CSMD1: variants seen among roughly 807,000 people sequenced by gnomAD.
CSMD1 encodes the protein CUB and Sushi multiple domains 1, also known as CUB and sushi domain-containing protein 1.
Under a neutral mutation model 417.5 loss-of-function variants are expected in CSMD1, and 213 were observed. The ratio of observed to expected loss-of-function variants is 0.51; its 90% CI spans 0.46 to 0.57. The LOEUF is 0.57. Among genes scored for constraint, CSMD1 ranks in the 20% least tolerant of loss-of-function variants. The pLI, the probability that CSMD1 is intolerant of heterozygous loss-of-function variation, is 0.00. For missense variants in CSMD1, 6,923 were observed against 4,529.7 expected, an observed-to-expected ratio of 1.53 and a Z score of -15.17; for synonymous variants, 2,862 against 1,736.8, an observed-to-expected ratio of 1.65 and a Z score of -16.11.
chr8:4,979,036 C>A (rs1810726191), intron 1 of CSMD1, among the ~76,000 whole-genome samples: 1 of 152,128 alleles, frequency 6.6e-6, no homozygotes, highest in African/African-American at 2.4e-5. Context: ...CCTATTATTT[C>A]CTCTCATCGT....
At chr8:4,273,462 A>C (rs1373354869) in intron 3 of CSMD1, among the ~76,000 whole-genome samples, 2 of 152,142 alleles carry the variant, frequency 1.3e-5, no homozygotes, top group Non-Finnish European at 2.9e-5. Flanking sequence ...TTCAGAAGCA[A>C]ATTATAATAA....
intron 1 of CSMD1, among the ~76,000 whole-genome samples, chr8:4,909,894 T>G (rs1306320076): frequency 1.3e-5 from 2 of 152,294 alleles, no homozygotes; most frequent in Non-Finnish European, 2.9e-5. Flanking sequence ...TTTGCCCAGC[T>G]TTTTCTTCTT....
intron 3 of CSMD1, among the ~76,000 whole-genome samples, chr8:4,209,655 G>C (rs1199827567): frequency 1.3e-5 from 2 of 152,102 alleles, no homozygotes; most frequent in Non-Finnish European, 2.9e-5. Context: ...GAGGGTTGTT[G>C]GCTTCACCCA....
intron 3 of CSMD1, among the ~76,000 whole-genome samples, chr8:4,199,671 C>T (rs115725252): frequency 0.011 from 1,709 of 152,232 alleles, 27 homozygotes; most frequent in African/African-American, 0.04. Context: ...TGAGGCTGGA[C>T]AGGCAAGGCA....
intron 6 of CSMD1, among the ~76,000 whole-genome samples, chr8:3,728,074 T>C (rs116657998): frequency 0.02 from 3,025 of 152,266 alleles, 92 homozygotes; most frequent in African/African-American, 0.068. Flanking sequence ...TATGACAGTG[T>C]CCGCACCCAA....
At chr8:3,534,620 G>C (rs867103150) in intron 10 of CSMD1, among the ~76,000 whole-genome samples, 3 of 151,910 alleles carry the variant, frequency 2.0e-5, no homozygotes, top group African/African-American at 4.8e-5. Context: ...TTTTCTGCTA[G>C]ATGTCAGTTG....
intron 5 of CSMD1, among the ~76,000 whole-genome samples, chr8:3,863,778 T>A (rs1804892025): frequency 6.6e-6 from 1 of 152,162 alleles, no homozygotes; most frequent in South Asian, 2.1e-4. Flanking sequence ...TTTCTACTAG[T>A]TTTTCTGCTT....
At chr8:3,032,179 G>A (rs1810384891) in intron 50 of CSMD1, among the ~76,000 whole-genome samples, 1 of 151,798 alleles carries the variant, frequency 6.6e-6, no homozygotes, top group South Asian at 2.1e-4. Flanking sequence ...GGATGAGAGT[G>A]GAAGAGTGGA....
chr8:3,726,910 G>T (rs998555493), intron 6 of CSMD1, among the ~76,000 whole-genome samples: 1 of 152,170 alleles, frequency 6.6e-6, no homozygotes, highest in African/African-American at 2.4e-5. Flanking sequence ...TATCTGTTTA[G>T]CATCATACAC....
intron 10 of CSMD1, among the ~76,000 whole-genome samples, chr8:3,528,241 G>C (rs537309970): frequency 6.6e-6 from 1 of 152,236 alleles, no homozygotes; most frequent in African/African-American, 2.4e-5. Context: ...ATGTGTTGTG[G>C]AAAGGGATAG....
At chr8:4,768,725 C>T (rs898568809) in intron 1 of CSMD1, among the ~76,000 whole-genome samples, 1 of 152,276 alleles carries the variant, frequency 6.6e-6, no homozygotes, top group East Asian at 1.9e-4. Context: ...ACCAAACTCC[C>T]CAGGAGTGTC....
At chr8:4,666,161 G>A (rs775494291) in intron 1 of CSMD1, among the ~76,000 whole-genome samples, 1 of 152,136 alleles carries the variant, frequency 6.6e-6, no homozygotes, top group Non-Finnish European at 1.5e-5. Flanking sequence ...ATCCTGGGAT[G>A]CAGAATAATG....
intron 1 of CSMD1, among the ~76,000 whole-genome samples, chr8:4,825,189 A>C (rs1799753424): frequency 6.6e-6 from 1 of 152,126 alleles, no homozygotes; most frequent in Non-Finnish European, 1.5e-5. Flanking sequence ...ACATTTTTGA[A>C]GAGATGTAAT....
intron 10 of CSMD1, among the ~76,000 whole-genome samples, chr8:3,548,655 A>G (rs931386237): frequency 9.9e-6 from 1 of 100,862 alleles, no homozygotes; most frequent in African/African-American, 3.9e-5. Context: ...GTGGTATTCC[A>G]TCATACACAC....
chr8:4,136,865 TAC>T (rs1269345184), intron 3 of CSMD1, among the ~76,000 whole-genome samples: 2 of 152,226 alleles, frequency 1.3e-5, no homozygotes, highest in Non-Finnish European at 2.9e-5. Context: ...TGTGATTATT[TAC>T]GAATTTCAGA....
In CSMD1 at chr8:3,053,338, A is replaced by C. The variant is rs529036582; in HGVS notation, c.7475-691T>G. ...GGAAAGAAAGAAGAAGGGATGAAGC[A>C]GCATCTTTATCATCACAATGCTTAT... On this transcript the variant is annotated intron_variant, in intron 49 of 69. Transcript: ENST00000635120. 2.0e-5 allele frequency among the ~76,000 whole-genome samples: 3 copies of C among 152,328 alleles called. No homozygotes were observed. In the South Asian group the frequency reaches 6.2e-4, roughly 32 times the overall value.
intron 5 of CSMD1, among the ~76,000 whole-genome samples, chr8:3,948,166 C>G (rs548601248): frequency 2.6e-5 from 4 of 152,088 alleles, no homozygotes; most frequent in Non-Finnish European, 4.4e-5. Flanking sequence ...GATTGCACCA[C>G]TACACTGCAG....
At chr8:4,771,641 G>C (rs989631720) in intron 1 of CSMD1, among the ~76,000 whole-genome samples, 9 of 152,168 alleles carry the variant, frequency 5.9e-5, no homozygotes, top group South Asian at 2.1e-4. Context: ...TTAACACCAT[G>C]ATTTCTACGC....
intron 18 of CSMD1, among the ~76,000 whole-genome samples, chr8:3,374,702 C>G (rs1810197168): frequency 6.6e-6 from 1 of 152,078 alleles, no homozygotes. Context: ...GCAGGGTGCC[C>G]CGAGACAGGC....
Sources: gnomAD v4.1 joint callset for allele counts (sites outside exome capture counted in the v4.1 genomes callset) on GRCh38, gnomAD v4.1.1 for gene constraint, MANE v1.5 for transcripts, NCBI Gene and HGNC (gene_info 2026-07-23, HGNC 2026-07-21) for gene names.